Variants in CACNA1C observed in about 807,000 individuals in gnomAD.
The protein encoded by CACNA1C is voltage-dependent L-type calcium channel subunit alpha-1C.
A neutral mutation model predicts 229.0 loss-of-function variants in CACNA1C; 30 were observed. The ratio of observed to expected loss-of-function variants is 0.13; its 90% CI spans 0.10 to 0.18. CACNA1C has a LOEUF of 0.18. CACNA1C is among the 10% of genes least tolerant of loss of function. The pLI, the probability that CACNA1C is intolerant of heterozygous loss-of-function variation, is 1.00. For synonymous variants in CACNA1C, 1,114 were observed against 1,132.5 expected (o/e 0.98, Z 0.33); for missense variants, 1,658 against 2,845.0 (o/e 0.58, Z 9.49).
intron 11 of CACNA1C, among the ~76,000 whole-genome samples, chr12:2,562,571 A>G (rs1463576417): frequency 6.6e-6 from 1 of 152,204 alleles, no homozygotes; most frequent in Admixed American, 6.5e-5. Flanking sequence ...TAGTATCAAG[A>G]TCTGGCAAAC....
intron 1 of CACNA1C, among the ~76,000 whole-genome samples, chr12:2,027,792 T>A (rs1387736804): frequency 1.3e-5 from 2 of 152,312 alleles, no homozygotes; most frequent in East Asian, 3.9e-4. Flanking sequence ...GTATGAAGTT[T>A]TATGAAGAAT....
chr12:2,146,283 C>T (rs1049807142), intron 3 of CACNA1C, among the ~76,000 whole-genome samples: 14 of 151,142 alleles, frequency 9.3e-5, no homozygotes, highest in African/African-American at 2.7e-4. Context: ...AATCTCTCCG[C>T]GCCTTTCTGG....
At chr12:2,603,159 G>A (rs2073608330) in intron 22 of CACNA1C, among the ~76,000 whole-genome samples, 1 of 152,148 alleles carries the variant, frequency 6.6e-6, no homozygotes, top group African/African-American at 2.4e-5. Context: ...TTGAATCCCA[G>A]CATGGCCACT....
chr12:2,304,941 G>A (rs1051113447), intron 3 of CACNA1C, among the ~76,000 whole-genome samples: 10 of 152,200 alleles, frequency 6.6e-5, no homozygotes, highest in African/African-American at 2.4e-4. Context: ...CATTTCTAAT[G>A]TGACGTTAAA....
intron 27 of CACNA1C, among the ~76,000 whole-genome samples, chr12:2,609,322 C>T (rs1406157275): frequency 1.3e-5 from 2 of 152,034 alleles, no homozygotes; most frequent in Non-Finnish European, 2.9e-5. Context: ...CCTAGCTCGG[C>T]TCCCACTGGG....
At chr12:2,547,302 A>T (rs745877346) in intron 9 of CACNA1C, 6 of 619,248 alleles carry the variant, frequency 9.7e-6, no homozygotes, top group African/African-American at 1.8e-5. Context: ...GATTTATTGA[A>T]TTTTTTTTGT....
intron 3 of CACNA1C, among the ~76,000 whole-genome samples, chr12:2,160,054 C>T (rs118102153): frequency 1.2e-4 from 18 of 152,236 alleles, no homozygotes; most frequent in African/African-American, 3.6e-4. Flanking sequence ...TGTTCTGGAC[C>T]GTCCTGCTGG....
At chr12:2,404,302 G>A (rs1412180530) in intron 3 of CACNA1C, among the ~76,000 whole-genome samples, 1 of 152,142 alleles carries the variant, frequency 6.6e-6, no homozygotes, top group Non-Finnish European at 1.5e-5. Context: ...CATGGGGGCA[G>A]CCTAGCCTGT....
At chr12:2,158,763 AACTT>A (rs2095678390) in intron 3 of CACNA1C, among the ~76,000 whole-genome samples, 1 of 152,164 alleles carries the variant, frequency 6.6e-6, no homozygotes, top group South Asian at 2.1e-4. Context: ...AAAAAAATAA[AACTT>A]AGCCCGATGC....
Position 1,971,286 on chromosome 12 carries a change from T to C in CACNA1C, c.139+85T>C, listed in dbSNP as rs1258808588. The C allele has an allele frequency of 1.4e-6, 1 of 722,002 alleles. No homozygotes were observed. The highest frequency in any genetic ancestry group is 1.8e-5 in the African/African-American group (1 of 54,364). 44.7% of individuals were successfully genotyped at this position (722,002 alleles called of 1,614,324 possible). A position where few individuals can be genotyped will look rare whatever the true frequency, so the allele number is the denominator to read the frequency against. On this transcript the variant is annotated intron_variant, in intron 1 of 46. Coordinates refer to the CACNA1C transcript ENST00000682462. The surrounding 1 kb of genome is among the most constrained non-coding windows in gnomAD (Gnocchi z 4.2). Reference sequence around the variant, plus strand: ...ATCCTAATGATACCTAGAATGTGACTTCCTCACTCTAAGAACTCATCTCTC... The same window carrying C: ...ATCCTAATGATACCTAGAATGTGACCTCCTCACTCTAAGAACTCATCTCTC...
At chr12:2,448,040 G>A (rs1271839189) in intron 3 of CACNA1C, among the ~76,000 whole-genome samples, 1 of 152,258 alleles carries the variant, frequency 6.6e-6, no homozygotes, top group African/African-American at 2.4e-5. Flanking sequence ...TGCCTGGTGG[G>A]GGCCATTAAG....
chr12:2,602,630 T>G lies in CACNA1C; in HGVS notation c.2960+670T>G, dbSNP rs76226185. 4.0e-3 allele frequency among the ~76,000 whole-genome samples: 570 copies of G among 140,930 alleles called. 3 individuals are homozygous for G. The highest frequency in any genetic ancestry group is 0.015 in the African/African-American group (548 of 36,244). 92.5% of individuals were successfully genotyped at this position (140,930 alleles called of 152,430 possible). A position where few individuals can be genotyped will look rare whatever the true frequency, so the allele number is the denominator to read the frequency against. ...GTGTGTGACTGTGTATATTTGTGTCTTGTGTGTGTGTGTGTGTGTGTGTGT... is the reference window on the plus strand; with the variant it reads ...GTGTGTGACTGTGTATATTTGTGTCGTGTGTGTGTGTGTGTGTGTGTGTGT... On this transcript the variant is annotated intron_variant, in intron 22 of 46. Coordinates refer to ENST00000399655, the MANE Select transcript of CACNA1C (RefSeq NM_000719.7). This position sits in a 1 kb window ranked among gnomAD's most constrained non-coding sequence, Gnocchi z 4.4.
At chr12:2,030,388 G>GT (rs5795989) in intron 1 of CACNA1C, among the ~76,000 whole-genome samples, 67,836 of 149,578 alleles carry the variant, frequency 0.45, 15,823 homozygotes, top group East Asian at 0.85. Context: ...GCCCAACATA[G>GT]TTTTTTTTTT....
chr12:2,677,970 C>A lies in CACNA1C; in HGVS notation c.5091+103C>A. On this transcript the variant is annotated intron_variant, in intron 41 of 46. Coordinates refer to ENST00000399655, the MANE Select transcript of CACNA1C (RefSeq NM_000719.7). The surrounding 1 kb of genome is among the most constrained non-coding windows in gnomAD (Gnocchi z 7.4). ...GAACGTCCAGGGGAAGGAGCTGCAC[C>A]AGAGGAAAGGGCTACTTCCAGGCTC... 7.4e-7 allele frequency: 1 copy of A among 1,351,632 alleles called. No individual in the cohort carries two copies. The highest frequency in any genetic ancestry group is 1.0e-6 in the Non-Finnish European group (1 of 963,204). The allele number at this position is 1,351,632 out of a possible 1,614,324, so 83.7% of individuals were successfully genotyped here.
At chr12:2,030,107 G>T (rs190743851) in intron 1 of CACNA1C, among the ~76,000 whole-genome samples, 2 of 152,296 alleles carry the variant, frequency 1.3e-5, no homozygotes, top group East Asian at 3.9e-4. Flanking sequence ...TCATAACGCG[G>T]ATTACCAGAG....
chr12:2,682,968 GT>G (rs1275254390), intron 43 of CACNA1C, among the ~76,000 whole-genome samples: 147 of 10,638 alleles, frequency 0.014, no homozygotes, highest in Non-Finnish European at 0.02. Context: ...TCTGAACATT[GT>G]TTTATAAACA....
intron 1 of CACNA1C, among the ~76,000 whole-genome samples, chr12:2,081,227 A>C (rs2065446660): frequency 6.6e-6 from 1 of 152,222 alleles, no homozygotes; most frequent in Non-Finnish European, 1.5e-5. Context: ...AGTGAATATC[A>C]AACTAGAATT....
intron 3 of CACNA1C, among the ~76,000 whole-genome samples, chr12:2,385,252 T>G (rs2098353417): frequency 6.6e-6 from 1 of 152,108 alleles, no homozygotes; most frequent in African/African-American, 2.4e-5. Flanking sequence ...CCTGGCTTTA[T>G]AGACAGGAAG....
chr12:2,479,408 T>C lies in CACNA1C; in HGVS notation c.758-6696T>C, dbSNP rs2099655092. ...GAACACCTGTCTTAAGAGAAATCTA[T>C]TTCTTTCAGATGACATCCAATTCTA... On this transcript the variant is annotated intron_variant, in intron 5 of 46. Transcript: ENST00000399655. This position sits in a 1 kb window ranked among gnomAD's most constrained non-coding sequence, Gnocchi z 4.3. 6.6e-6 allele frequency among the ~76,000 whole-genome samples: 1 copy of C among 152,164 alleles called. No individual in the cohort carries two copies. Among genetic ancestry groups the C allele is most frequent in the African/African-American group, 2.4e-5 (1 of 41,454 alleles).
Sources: allele counts gnomAD v4.1 joint callset (sites outside exome capture counted in the v4.1 genomes callset), GRCh38; gene constraint gnomAD v4.1.1; non-coding constraint Gnocchi (gnomAD v3.1); transcripts MANE v1.5; gene names NCBI Gene and HGNC (gene_info 2026-07-23, HGNC 2026-07-21).